Variants in PLEKHA5 observed in about 807,000 individuals in gnomAD.
PLEKHA5 encodes the protein pleckstrin homology domain containing A5.
PLEKHA5 carries 55 observed loss-of-function variants against 181.9 expected under a neutral mutation model. The observed-to-expected ratio is 0.30, with a 90% confidence interval of 0.24 to 0.38. The LOEUF (loss-of-function observed/expected upper bound fraction) is 0.38. Ranked by LOEUF, PLEKHA5 falls within the 10% of genes least tolerant of loss-of-function variation. The probability of loss-of-function intolerance (pLI) is 1.00; values close to 1 mark genes in which losing one functional copy is unlikely to be tolerated. For missense variants in PLEKHA5, 1,432 were observed against 1,549.5 expected, an observed-to-expected ratio of 0.92 and a Z score of 1.27; for synonymous variants, 535 against 529.4, an observed-to-expected ratio of 1.01 and a Z score of -0.15.
At chr12:19,222,108 T>C (rs1302777246) in intron 3 of PLEKHA5, among the ~76,000 whole-genome samples, 1 of 152,068 alleles carries the variant, frequency 6.6e-6, no homozygotes, top group Non-Finnish European at 1.5e-5. Flanking sequence ...CTCTAAAATA[T>C]ATATGTGTGT....
intron 3 of PLEKHA5, among the ~76,000 whole-genome samples, chr12:19,146,210 T>C (rs2038877378): frequency 6.6e-6 from 1 of 152,236 alleles, no homozygotes; most frequent in Admixed American, 6.5e-5. Context: ...CACTTGGTGT[T>C]ACTGTACTTA....
intron 10 of PLEKHA5, among the ~76,000 whole-genome samples, chr12:19,273,788 G>A (rs2073769474): frequency 6.6e-6 from 1 of 151,940 alleles, no homozygotes; most frequent in Admixed American, 6.5e-5. Flanking sequence ...TTGATGTGTT[G>A]GAATTATAAT....
intron 29 of PLEKHA5, among the ~76,000 whole-genome samples, chr12:19,365,728 G>A (rs924383558): frequency 6.6e-6 from 1 of 152,052 alleles, no homozygotes; most frequent in Non-Finnish European, 1.5e-5. Flanking sequence ...TAGGGAGCAA[G>A]GATTTTAGGG....
chr12:19,259,433 G>A (rs1373909662), intron 6 of PLEKHA5, among the ~76,000 whole-genome samples: 1 of 151,870 alleles, frequency 6.6e-6, no homozygotes, highest in Non-Finnish European at 1.5e-5. Context: ...TCCCTTATCT[G>A]TACTAAAGAA....
chr12:19,175,918 G>T (rs2151756029), intron 3 of PLEKHA5, among the ~76,000 whole-genome samples: 1 of 152,204 alleles, frequency 6.6e-6, no homozygotes, highest in South Asian at 2.1e-4. Flanking sequence ...ATAGGATTCT[G>T]CCCGGGTTGT....
intron 3 of PLEKHA5, among the ~76,000 whole-genome samples, chr12:19,234,484 G>A (rs1026953741): frequency 1.3e-5 from 2 of 152,148 alleles, no homozygotes; most frequent in African/African-American, 4.8e-5. Context: ...CAGGGTGCTG[G>A]TAACTTCATA....
At chr12:19,203,229 C>T (rs749718928) in intron 3 of PLEKHA5, among the ~76,000 whole-genome samples, 4 of 151,924 alleles carry the variant, frequency 2.6e-5, no homozygotes, top group Non-Finnish European at 4.4e-5. Flanking sequence ...AGTACTATGC[C>T]GGTGTGACTG....
chr12:19,314,254 C>T lies in PLEKHA5; in HGVS notation c.2038-560C>T, dbSNP rs12580186. Among the ~76,000 whole-genome samples, 9 of 152,194 alleles carry T rather than the reference C, an allele frequency of 5.9e-5. No individual in the cohort carries two copies. In the East Asian group the frequency reaches 1.7e-3, roughly 29 times the overall value. On this transcript the variant is annotated intron_variant, in intron 15 of 31. Coordinates refer to ENST00000429027, the MANE Select transcript of PLEKHA5 (RefSeq NM_001256470.2). ...TTAGTTTGCATATCCTTGAGTAATT[C>T]TACATGTGGTATTATACTGTGAGAA...
chr12:19,288,998 G>T (rs899922780), intron 13 of PLEKHA5, among the ~76,000 whole-genome samples: 1 of 152,094 alleles, frequency 6.6e-6, no homozygotes, highest in Non-Finnish European at 1.5e-5. Context: ...ATTCCTTGCG[G>T]TATCACTCTG....
chr12:19,283,873 T>C (rs1342313923), intron 12 of PLEKHA5, 128 bp downstream of exon 12: 5 of 614,770 alleles, frequency 8.1e-6, no homozygotes, highest in Non-Finnish European at 1.4e-5. Context: ...TCTTTTTTGT[T>C]TTAAAAAATA....
chr12:19,254,965 C>T (rs1318795628), intron 4 of PLEKHA5, 80 bp from the exon 5 acceptor site: 34 of 1,219,058 alleles, frequency 2.8e-5, no homozygotes, highest in Non-Finnish European at 3.5e-5. Context: ...AGGACACTCG[C>T]ATTGTTAACT....
At chr12:19,347,880 TTC>T (rs2094414180) in intron 24 of PLEKHA5, among the ~76,000 whole-genome samples, 1 of 142,054 alleles carries the variant, frequency 7.0e-6, no homozygotes, top group African/African-American at 2.7e-5. Context: ...AACAGAAATA[TTC>T]TTTTTTTTTT....
At chr12:19,138,821 G>A (rs2036459421) in intron 3 of PLEKHA5, among the ~76,000 whole-genome samples, 1 of 152,142 alleles carries the variant, frequency 6.6e-6, no homozygotes, top group Non-Finnish European at 1.5e-5. Flanking sequence ...TGATGGTTCT[G>A]TAGAAAATGC....
chr12:19,230,312 G>A lies in PLEKHA5; in HGVS notation c.228-23628G>A, dbSNP rs575036763. ...CAGCTGGCTTCACCTAGTGGATCCC[G>A]CACTGGGCCGCAGGCGGACCTGCCC... On this transcript the variant is annotated intron_variant, in intron 3 of 31. Transcript: ENST00000429027. Among the ~76,000 whole-genome samples the A allele has an allele frequency of 9.2e-5, 14 of 152,282 alleles. 1 individual carries two copies. The South Asian group carries it at 2.1e-3, about 23-fold the overall frequency.
At chr12:19,270,432 ATG>A (rs1217691874) in intron 10 of PLEKHA5, among the ~76,000 whole-genome samples, 16 of 152,226 alleles carry the variant, frequency 1.1e-4, no homozygotes, top group African/African-American at 3.6e-4. Flanking sequence ...TTTGTAATGA[ATG>A]TCTCCAGAAA....
intron 15 of PLEKHA5, chr12:19,306,687 G>T (rs1475107271): frequency 1.2e-5 from 17 of 1,472,846 alleles, no homozygotes; most frequent in South Asian, 2.3e-5. Context: ...CTGAGCAGAT[G>T]CGGACTCTCT....
At chr12:19,334,829 A>AAAAAAAAAAAAAAAAAAATATATATAT in intron 20 of PLEKHA5, among the ~76,000 whole-genome samples, 1 of 18,602 alleles carries the variant, frequency 5.4e-5, no homozygotes, top group Non-Finnish European at 1.4e-4. Flanking sequence ...AAAAAAAAAA[A>AAAAAAAAAAAAAAAAAAATATATATAT]ATATATATAT....
In PLEKHA5 at chr12:19,329,028, G is replaced by A. The variant is rs577888361; in HGVS notation, c.2448+6361G>A. On this transcript the variant is annotated intron_variant, in intron 20 of 31. Coordinates refer to ENST00000429027, the MANE Select transcript of PLEKHA5 (RefSeq NM_001256470.2). Reference sequence around the variant, plus strand: ...TATTCCTTCAATATGGATTTATTTCGTAAGGGTTTTTATCATGAAGAGATG... The same window carrying A: ...TATTCCTTCAATATGGATTTATTTCATAAGGGTTTTTATCATGAAGAGATG... 3.9e-4 allele frequency among the ~76,000 whole-genome samples: 60 copies of A among 152,162 alleles called. No individual in the cohort carries two copies. In the South Asian group the frequency reaches 8.5e-3, roughly 22 times the overall value.
At chr12:19,367,839 G>A (rs1222367724) in intron 30 of PLEKHA5, among the ~76,000 whole-genome samples, 2 of 151,306 alleles carry the variant, frequency 1.3e-5, no homozygotes. Flanking sequence ...GCCCGCCTCG[G>A]CCTCCCAAAG....
Sources: gnomAD v4.1 joint callset for allele counts (sites outside exome capture counted in the v4.1 genomes callset) on GRCh38, gnomAD v4.1.1 for gene constraint, MANE v1.5 for transcripts, NCBI Gene and HGNC (gene_info 2026-07-23, HGNC 2026-07-21) for gene names.